The following ATP10D variants were observed in gnomAD, a reference collection of about 807,000 sequenced individuals.
ATP10D encodes the protein ATPase phospholipid transporting 10D (putative).
In ATP10D, 89 loss-of-function variants were observed where a neutral mutation model predicts 144.8. The ratio of observed to expected loss-of-function variants is 0.61; its 90% confidence interval spans 0.52 to 0.73. ATP10D has a LOEUF of 0.73. ATP10D is among the 30% of genes least tolerant of loss of function. The pLI, the probability that ATP10D is intolerant of heterozygous loss-of-function variation, is 0.00. For synonymous variants in ATP10D, 571 were observed against 615.1 expected (o/e 0.93, Z 1.06); for missense variants, 1,603 against 1,714.8 (o/e 0.93, Z 1.15).
chr4:47,525,289 T>C (rs1560424509), intron 4 of ATP10D, among the ~76,000 whole-genome samples: 1 of 152,164 alleles, frequency 6.6e-6, no homozygotes. Context: ...GTATAAGCTC[T>C]CTTCTGGGGA....
intron 13 of ATP10D, among the ~76,000 whole-genome samples, chr4:47,560,747 C>A (rs1719252619): frequency 6.6e-6 from 1 of 151,918 alleles, no homozygotes; most frequent in Non-Finnish European, 1.5e-5. Context: ...GGTCATCCAT[C>A]ATCAGTGTTG....
chr4:47,543,247 A>G (rs980435013), intron 9 of ATP10D, among the ~76,000 whole-genome samples: 7 of 152,206 alleles, frequency 4.6e-5, no homozygotes, highest in Admixed American at 2.0e-4. Flanking sequence ...TAGTATATTT[A>G]GGGTTCAATA....
intron 1 of ATP10D, among the ~76,000 whole-genome samples, chr4:47,502,414 G>A (rs2109391194): frequency 6.6e-6 from 1 of 151,910 alleles, no homozygotes; most frequent in South Asian, 2.1e-4. Context: ...AGCTTGCAGT[G>A]AGCCGAGATA....
At chr4:47,503,124 C>T (rs1011184181) in intron 1 of ATP10D, among the ~76,000 whole-genome samples, 3 of 152,144 alleles carry the variant, frequency 2.0e-5, no homozygotes, top group African/African-American at 7.2e-5. Context: ...ATCACTTGAA[C>T]CTGGGAGGCA....
intron 1 of ATP10D, among the ~76,000 whole-genome samples, chr4:47,507,968 T>C (rs1716110897): frequency 6.6e-6 from 1 of 152,178 alleles, no homozygotes; most frequent in Non-Finnish European, 1.5e-5. Context: ...AAGTGTACAC[T>C]ATGCTTTGCA....
chr4:47,495,106 C>G (rs1161984827), intron 1 of ATP10D, among the ~76,000 whole-genome samples: 1 of 152,192 alleles, frequency 6.6e-6, no homozygotes, highest in African/African-American at 2.4e-5. Flanking sequence ...TGCAGGAACA[C>G]ACATATTTGC....
rs189110010 is a variant in ATP10D at position 47,561,164 on chromosome 4, T to C, written c.2668+89T>C. 10 of 1,505,752 alleles carry C rather than the reference T, an allele frequency of 6.6e-6. No individual in the cohort carries two copies. The Admixed American group carries it at 1.4e-4, about 21-fold the overall frequency. 93.3% of individuals were successfully genotyped at this position (1,505,752 alleles called of 1,614,324 possible). Reference sequence around the variant, plus strand: ...TAAGGGTTATTTTCTTCCATTGTTATCTAATAAACATATATGGTTCTGCCT... The same window carrying C: ...TAAGGGTTATTTTCTTCCATTGTTACCTAATAAACATATATGGTTCTGCCT... On this transcript the variant is annotated intron_variant, in intron 14 of 22. Coordinates refer to ENST00000273859, the MANE Select transcript of ATP10D (RefSeq NM_020453.4).
intron 1 of ATP10D, among the ~76,000 whole-genome samples, chr4:47,490,643 T>G (rs186750721): frequency 2.0e-5 from 3 of 152,178 alleles, no homozygotes; most frequent in African/African-American, 7.2e-5. Context: ...GGATGTAGGA[T>G]TGGTAACGGG....
chr4:47,519,320 C>T (rs1716832059), intron 3 of ATP10D, among the ~76,000 whole-genome samples: 1 of 152,106 alleles, frequency 6.6e-6, no homozygotes, highest in African/African-American at 2.4e-5. Context: ...TGTAGCAGAG[C>T]TGTTTGCTAC....
chr4:47,497,315 C>T (rs968715277), intron 1 of ATP10D, among the ~76,000 whole-genome samples: 2 of 152,074 alleles, frequency 1.3e-5, no homozygotes, highest in Non-Finnish European at 2.9e-5. Flanking sequence ...ATTAGCCGGG[C>T]GTGGTGGCAT....
At chr4:47,590,819 CTT>C (rs1720993854) in intron 22 of ATP10D, among the ~76,000 whole-genome samples, 1 of 152,012 alleles carries the variant, frequency 6.6e-6, no homozygotes, top group Non-Finnish European at 1.5e-5. Flanking sequence ...TTAATAAACA[CTT>C]ATATGGCAAT....
Position 47,495,754 on chromosome 4 carries a change from T to TG in ATP10D, c.-38+10236dup, listed in dbSNP as rs541980731. On this transcript the variant is annotated intron_variant, in intron 1 of 22. Transcript: ENST00000273859. The stretch of plus-strand genomic sequence containing the variant: ...TTAAGCAACTTTTTTTTTTTTTTTT[T>TG]GAAATGCAGTTTCGCTCTTGTTGCT... Among the ~76,000 whole-genome samples, 278 of 149,934 alleles carry TG rather than the reference T, an allele frequency of 1.9e-3. 2 individuals carry two copies. The highest frequency in any genetic ancestry group is 4.4e-3 in the African/African-American group (179 of 40,960).
intron 13 of ATP10D, 66 bp from the exon 14 acceptor site, chr4:47,560,883 T>G: frequency 6.3e-7 from 1 of 1,589,000 alleles, no homozygotes; most frequent in Non-Finnish European, 8.6e-7. Context: ...TTGCCAGAGG[T>G]CAGTCCTGGT....
chr4:47,542,325 G>T (rs1161528106), intron 9 of ATP10D, among the ~76,000 whole-genome samples: 1 of 151,986 alleles, frequency 6.6e-6, no homozygotes, highest in Non-Finnish European at 1.5e-5. Context: ...TCGAACTCCT[G>T]GGCTCAAGCT....
At chr4:47,578,544 G>A (rs1720350311) in intron 19 of ATP10D, 1 of 152,094 alleles carries the variant, frequency 6.6e-6, no homozygotes. Flanking sequence ...TGTGACTGTG[G>A]GAAATTGTAT....
intron 10 of ATP10D, among the ~76,000 whole-genome samples, chr4:47,548,138 G>A (rs964085386): frequency 5.3e-5 from 8 of 152,102 alleles, no homozygotes; most frequent in African/African-American, 1.9e-4. Context: ...TTAGACAGAA[G>A]CAGCACAGTT....
chr4:47,512,040 AG>A (rs1233347673), intron 1 of ATP10D, among the ~76,000 whole-genome samples: 1 of 152,230 alleles, frequency 6.6e-6, no homozygotes, highest in Non-Finnish European at 1.5e-5. Flanking sequence ...TTGCAGAGAT[AG>A]GAAGAATTTG....
chr4:47,544,583 C>T (rs1447076209), intron 9 of ATP10D, among the ~76,000 whole-genome samples: 1 of 152,044 alleles, frequency 6.6e-6, no homozygotes, highest in Non-Finnish European at 1.5e-5. Context: ...TCACCGAATC[C>T]AAATCGTTCA....
chr4:47,517,991 A>C (rs1716771718), intron 3 of ATP10D, among the ~76,000 whole-genome samples: 4 of 152,194 alleles, frequency 2.6e-5, no homozygotes, highest in Admixed American at 2.0e-4. Flanking sequence ...TGTAGAAGAA[A>C]TAGTGCTTAT....
Sources: gnomAD v4.1 joint callset for allele counts (sites outside exome capture counted in the v4.1 genomes callset) on GRCh38, gnomAD v4.1.1 for gene constraint, MANE v1.5 for transcripts, NCBI Gene and HGNC (gene_info 2026-07-23, HGNC 2026-07-21) for gene names.